The following PFDN1 variants were observed in gnomAD, a reference collection of about 807,000 sequenced individuals.
PFDN1 encodes the protein prefoldin 1.
Under a neutral mutation model 17.3 loss-of-function variants are expected in PFDN1, and 6 were observed. That is an observed-to-expected ratio of 0.35 (90% confidence interval 0.19 to 0.69). The LOEUF (loss-of-function observed/expected upper bound fraction) is 0.69, where lower values mean the gene tolerates loss of function less well. Ranked by LOEUF, PFDN1 falls within the 30% of genes least tolerant of loss-of-function variation. The pLI is 0.65. For missense variants in PFDN1, 113 were observed against 146.2 expected (o/e 0.77, Z 1.17); for synonymous variants, 58 against 50.1 (o/e 1.16, Z -0.67).
At chr5:140,300,629 A>T (rs749314513) in intron 1 of PFDN1, 47 bp from the exon 2 acceptor site, 37 of 1,330,440 alleles carry the variant, frequency 2.8e-5, no homozygotes, top group Non-Finnish European at 3.8e-5. Context: ...ATTTTACAGG[A>T]AACATTTACC....
intron 2 of PFDN1, among the ~76,000 whole-genome samples, chr5:140,282,404 AT>A (rs34979639): frequency 0.48 from 65,522 of 136,710 alleles, 15,158 homozygotes; most frequent in African/African-American, 0.68. Flanking sequence ...GCGCCCCTCC[AT>A]TTTTTTTTTT....
intron 3 of PFDN1, among the ~76,000 whole-genome samples, chr5:140,253,468 CCT>C (rs550076955): frequency 9.2e-5 from 14 of 152,160 alleles, no homozygotes; most frequent in Non-Finnish European, 1.8e-4. Flanking sequence ...GCTCGGTCCC[CCT>C]GAGGTTTAGG....
At chr5:140,301,018 A>T (rs952727508) in intron 1 of PFDN1, among the ~76,000 whole-genome samples, 4 of 152,242 alleles carry the variant, frequency 2.6e-5, no homozygotes, top group Non-Finnish European at 5.9e-5. Flanking sequence ...TTAATGAGGA[A>T]ATATAATAAA....
At chr5:140,249,674 G>A (rs912095767) in intron 3 of PFDN1, among the ~76,000 whole-genome samples, 1 of 152,224 alleles carries the variant, frequency 6.6e-6, no homozygotes, top group Non-Finnish European at 1.5e-5. Context: ...TGCTTCTGGA[G>A]AGGGTTTCTG....
chr5:140,273,892 T>C (rs1213267661), intron 3 of PFDN1: 1 of 984,824 alleles, frequency 1.0e-6, no homozygotes, highest in African/African-American at 1.7e-5. Flanking sequence ...TAACAGACTT[T>C]AGGTTGAAGG....
At chr5:140,282,307 C>T (rs1240780966) in intron 2 of PFDN1, among the ~76,000 whole-genome samples, 1 of 149,842 alleles carries the variant, frequency 6.7e-6, no homozygotes, top group East Asian at 2.0e-4. Flanking sequence ...AGTCAACATA[C>T]AAACAAATAC....
chr5:140,257,056 T>C (rs922203645), intron 3 of PFDN1, among the ~76,000 whole-genome samples: 10 of 151,856 alleles, frequency 6.6e-5, no homozygotes, highest in Non-Finnish European at 1.0e-4. Flanking sequence ...ACCCTGTCTC[T>C]ACTAAAAATA....
chr5:140,287,060 T>C (rs547377255), intron 2 of PFDN1, among the ~76,000 whole-genome samples: 2 of 152,348 alleles, frequency 1.3e-5, no homozygotes, highest in Admixed American at 1.3e-4. Context: ...TATAAATATG[T>C]GTGTATGTGA....
At chr5:140,261,666 A>C (rs1311739766) in intron 3 of PFDN1, among the ~76,000 whole-genome samples, 1 of 152,182 alleles carries the variant, frequency 6.6e-6, no homozygotes, top group Non-Finnish European at 1.5e-5. Context: ...TCAAAGGGCT[A>C]TTTATAAAGC....
intron 2 of PFDN1, among the ~76,000 whole-genome samples, chr5:140,286,830 C>T (rs1341411186): frequency 6.6e-6 from 1 of 152,024 alleles, no homozygotes; most frequent in Admixed American, 6.6e-5. Context: ...GTCTCGAACT[C>T]CTGACCTCAG....
At chr5:140,286,216 G>A (rs1581095621) in intron 2 of PFDN1, among the ~76,000 whole-genome samples, 2 of 151,496 alleles carry the variant, frequency 1.3e-5, no homozygotes, top group Middle Eastern at 3.4e-3. Flanking sequence ...TTAGAGACCC[G>A]CCTGGCCAAC....
chr5:140,288,712 C>T (rs1755407843), intron 2 of PFDN1, among the ~76,000 whole-genome samples: 1 of 152,154 alleles, frequency 6.6e-6, no homozygotes, highest in South Asian at 2.1e-4. Context: ...TGGCCGTGCA[C>T]GGTGGCTCAT....
chr5:140,256,539 T>C (rs1764987182), intron 3 of PFDN1, among the ~76,000 whole-genome samples: 1 of 151,512 alleles, frequency 6.6e-6, no homozygotes, highest in South Asian at 2.1e-4. Context: ...ACCCAGACTT[T>C]AATATGTTTA....
At chr5:140,260,247 T>C (rs952818311) in intron 3 of PFDN1, among the ~76,000 whole-genome samples, 8 of 151,816 alleles carry the variant, frequency 5.3e-5, no homozygotes, top group Non-Finnish European at 1.0e-4. Context: ...GGCAAAGATG[T>C]GGAGAAACTG....
intron 3 of PFDN1, among the ~76,000 whole-genome samples, chr5:140,249,567 G>C (rs1406668858): frequency 6.6e-6 from 1 of 152,198 alleles, no homozygotes; most frequent in Non-Finnish European, 1.5e-5. Context: ...GTCTGTTTGT[G>C]TTGCTCTAAA....
At chr5:140,256,116 C>G (rs1764982012) in intron 3 of PFDN1, among the ~76,000 whole-genome samples, 1 of 152,198 alleles carries the variant, frequency 6.6e-6, no homozygotes, top group African/African-American at 2.4e-5. Context: ...TTTCTAAGTT[C>G]TCCTTTGCTG....
chr5:140,290,891 T>C (rs1056747389), intron 2 of PFDN1, among the ~76,000 whole-genome samples: 3 of 152,172 alleles, frequency 2.0e-5, no homozygotes, highest in Non-Finnish European at 4.4e-5. Flanking sequence ...AGACAATTAG[T>C]ATCATTGTCC....
chr5:140,251,439 C>T (rs1333196989), intron 3 of PFDN1, among the ~76,000 whole-genome samples: 1 of 152,122 alleles, frequency 6.6e-6, no homozygotes. Flanking sequence ...AACTAAAAAA[C>T]AAACCACCCC....
At chr5:140,278,026 T>A (rs760854973) in intron 3 of PFDN1, among the ~76,000 whole-genome samples, 1 of 151,234 alleles carries the variant, frequency 6.6e-6, no homozygotes, top group Non-Finnish European at 1.5e-5. Flanking sequence ...CTGGCCAACA[T>A]GGTGAAACCC....
Sources: allele counts gnomAD v4.1 joint callset (sites outside exome capture counted in the v4.1 genomes callset), GRCh38; gene constraint gnomAD v4.1.1; transcripts MANE v1.5; gene names NCBI Gene and HGNC (gene_info 2026-07-23, HGNC 2026-07-21).